FRAS1: variants seen among roughly 807,000 people sequenced by gnomAD.
FRAS1 encodes extracellular matrix organizing protein FRAS1.
Under a neutral mutation model 435.2 loss-of-function variants are expected in FRAS1, and 290 were observed. The observed-to-expected ratio is 0.67, with a 90% CI of 0.61 to 0.73. FRAS1 has a LOEUF of 0.73. Ranked by LOEUF, FRAS1 falls within the 30% of genes least tolerant of loss-of-function variation. The pLI, the probability that FRAS1 is intolerant of heterozygous loss-of-function variation, is 0.00. For synonymous variants in FRAS1, 1,800 were observed against 1,851.0 expected (o/e 0.97, Z 0.71); for missense variants, 4,860 against 5,001.5 (o/e 0.97, Z 0.85).
chr4:78,413,209 C>A, intron 32 of FRAS1, 124 bp downstream of exon 32: 2 of 528,974 alleles, frequency 3.8e-6, no homozygotes, highest in South Asian at 3.4e-5. Context: ...GACTTGGGGG[C>A]CAAAAAGCCT....
At chr4:78,540,218 C>G (rs1479097592) in intron 73 of FRAS1, among the ~76,000 whole-genome samples, 1 of 152,096 alleles carries the variant, frequency 6.6e-6, no homozygotes, top group East Asian at 1.9e-4. Flanking sequence ...TCACTGCTAT[C>G]AATAAAGACA....
At chr4:78,188,236 G>T (rs1233340613) in intron 2 of FRAS1, among the ~76,000 whole-genome samples, 2 of 151,912 alleles carry the variant, frequency 1.3e-5, no homozygotes, top group Non-Finnish European at 2.9e-5. Flanking sequence ...ATCAGCCAGG[G>T]TTCTACCAGA....
rs1038174914 is a variant in FRAS1 at position 78,389,143 on chromosome 4, G to T, written c.3975+1442G>T. Among the ~76,000 whole-genome samples, 8 of 152,262 alleles carry T rather than the reference G, an allele frequency of 5.3e-5. No homozygotes were observed. In the East Asian group the frequency reaches 1.5e-3, roughly 29 times the overall value. On this transcript the variant is annotated intron_variant, in intron 29 of 73. Transcript: ENST00000512123. ...AGGCTGAGCCATTGCTAGACCAAAG[G>T]GACACGAAAAACATTTTCAAAACTA...
At chr4:78,324,431 G>A (rs907469663) in intron 18 of FRAS1, among the ~76,000 whole-genome samples, 1 of 151,944 alleles carries the variant, frequency 6.6e-6, no homozygotes, top group African/African-American at 2.4e-5. Context: ...TAATCTTATG[G>A]CATAAATTCT....
At chr4:78,305,785 T>C (rs1036886937) in intron 14 of FRAS1, among the ~76,000 whole-genome samples, 14 of 151,898 alleles carry the variant, frequency 9.2e-5, no homozygotes, top group African/African-American at 3.4e-4. Context: ...TTCCTGAATA[T>C]AGCACACTGA....
intron 2 of FRAS1, among the ~76,000 whole-genome samples, chr4:78,120,175 C>G (rs1381029258): frequency 6.6e-6 from 1 of 152,198 alleles, no homozygotes; most frequent in Non-Finnish European, 1.5e-5. Context: ...TTCTGACCAA[C>G]ATATGTGCCA....
At chr4:78,325,605 C>T (rs1054022465) in intron 18 of FRAS1, among the ~76,000 whole-genome samples, 14 of 152,214 alleles carry the variant, frequency 9.2e-5, no homozygotes, top group African/African-American at 3.4e-4. Context: ...CTTTCCCCTT[C>T]TTGCTTTTAT....
At chr4:78,129,779 C>G (rs1313893178) in intron 2 of FRAS1, among the ~76,000 whole-genome samples, 1 of 152,178 alleles carries the variant, frequency 6.6e-6, no homozygotes, top group Non-Finnish European at 1.5e-5. Context: ...CCTCATTGAT[C>G]TGAGGCCGAG....
chr4:78,269,652 T>A (rs1365393836), intron 9 of FRAS1, among the ~76,000 whole-genome samples: 1 of 152,264 alleles, frequency 6.6e-6, no homozygotes, highest in Non-Finnish European at 1.5e-5. Flanking sequence ...GCCTGGTCTT[T>A]GTCTTTGCTA....
At chr4:78,262,721 T>C (rs898038529) in intron 6 of FRAS1, among the ~76,000 whole-genome samples, 6 of 152,192 alleles carry the variant, frequency 3.9e-5, no homozygotes, top group Non-Finnish European at 8.8e-5. Flanking sequence ...ATTTAAGGAA[T>C]ACTGAAAACC....
At chr4:78,408,154 A>C (rs1733178232) in intron 31 of FRAS1, among the ~76,000 whole-genome samples, 1 of 152,186 alleles carries the variant, frequency 6.6e-6, no homozygotes, top group Admixed American at 6.5e-5. Context: ...CTTCTTATAA[A>C]CCATAAGATC....
At position 78,441,180 on chromosome 4, in the gene FRAS1, G is replaced by A. The variant is rs536203620; in HGVS notation, c.5548G>A (p.Ala1850Thr). 4.6e-5 allele frequency: 74 copies of A among 1,613,132 alleles called. No homozygotes were observed. Among genetic ancestry groups the A allele is most frequent in the Non-Finnish European group, 6.0e-5 (71 of 1,179,164 alleles). The change falls in exon 41 of 74, where the codon GCA becomes ACA. Residue 1850 changes from alanine to threonine, a missense_variant. Coordinates refer to ENST00000512123, the MANE Select transcript of FRAS1 (RefSeq NM_025074.7). The part of the protein sequence containing the change: ...DLITVDEGGR[A>T]PLSFHHFFAT... ...TTCTTAGGTTGATGAGGGAGGGAGA[G>A]CACCACTCTCATTTCACCATTTTTT... is the stretch of plus-strand genomic sequence containing the variant.
intron 2 of FRAS1, among the ~76,000 whole-genome samples, chr4:78,128,892 ACC>A (rs1719527696): frequency 6.6e-6 from 1 of 152,124 alleles, no homozygotes; most frequent in African/African-American, 2.4e-5. Flanking sequence ...TTTTAGGTCT[ACC>A]ATTTAAGTCT....
intron 66 of FRAS1, among the ~76,000 whole-genome samples, chr4:78,518,540 C>A (rs1721290947): frequency 6.6e-6 from 1 of 150,950 alleles, no homozygotes; most frequent in Non-Finnish European, 1.5e-5. Flanking sequence ...ACATATACAG[C>A]TAGCTTCACC....
intron 2 of FRAS1, among the ~76,000 whole-genome samples, chr4:78,205,026 G>A (rs1287044845): frequency 6.6e-6 from 1 of 152,124 alleles, no homozygotes; most frequent in Non-Finnish European, 1.5e-5. Context: ...AGCTCCAGGG[G>A]ACTTGCTGGG....
intron 2 of FRAS1, among the ~76,000 whole-genome samples, chr4:78,197,802 G>C (rs1314445779): frequency 6.6e-6 from 1 of 152,036 alleles, no homozygotes; most frequent in African/African-American, 2.4e-5. Flanking sequence ...TTAGCTGGGC[G>C]TGGTGGTGGG....
At chr4:78,439,778 G>A (rs770079372) in intron 40 of FRAS1, among the ~76,000 whole-genome samples, 3 of 151,970 alleles carry the variant, frequency 2.0e-5, no homozygotes, top group African/African-American at 4.8e-5. Context: ...CTATGGACCT[G>A]TAGTCCCATA....
At chr4:78,126,226 C>T (rs955557204) in intron 2 of FRAS1, among the ~76,000 whole-genome samples, 1 of 152,090 alleles carries the variant, frequency 6.6e-6, no homozygotes, top group African/African-American at 2.4e-5. Context: ...GAGGGGATCT[C>T]CTGGTCTGCC....
At chr4:78,391,327 T>C (rs1188499735) in intron 29 of FRAS1, among the ~76,000 whole-genome samples, 1 of 152,240 alleles carries the variant, frequency 6.6e-6, no homozygotes, top group Non-Finnish European at 1.5e-5. Flanking sequence ...AGGACTGATG[T>C]TGAAACATGT....
Sources: allele counts gnomAD v4.1 joint callset (sites outside exome capture counted in the v4.1 genomes callset), GRCh38; gene constraint gnomAD v4.1.1; transcripts MANE v1.5; gene names NCBI Gene and HGNC (gene_info 2026-07-23, HGNC 2026-07-21).